The following GTF2IRD1 variants were observed in gnomAD, a reference collection of about 807,000 sequenced individuals.
GTF2IRD1 encodes general transcription factor II-I repeat domain-containing protein 1.
GTF2IRD1 carries 26 observed loss-of-function variants against 113.2 expected under a neutral mutation model. The observed-to-expected ratio is 0.23, with a 90% confidence interval of 0.17 to 0.32. The LOEUF is 0.32. GTF2IRD1 is among the 10% of genes least tolerant of loss of function. The pLI is 1.00. For missense variants in GTF2IRD1, 864 were observed against 1,280.8 expected (o/e 0.67, Z 4.97); for synonymous variants, 484 against 529.1 (o/e 0.91, Z 1.17).
intron 4 of GTF2IRD1, among the ~76,000 whole-genome samples, chr7:74,516,161 G>A (rs1424433309): frequency 6.6e-6 from 1 of 152,186 alleles, no homozygotes; most frequent in East Asian, 1.9e-4. Flanking sequence ...CATCTTTTGA[G>A]ACTGCCTTTC....
intron 16 of GTF2IRD1, among the ~76,000 whole-genome samples, chr7:74,546,218 CTTTT>C (rs1222914895): frequency 2.4e-5 from 3 of 126,510 alleles, no homozygotes; most frequent in African/African-American, 2.9e-5. Flanking sequence ...CCATGTTTTT[CTTTT>C]TTTTTTTTTT....
intron 1 of GTF2IRD1, among the ~76,000 whole-genome samples, chr7:74,459,437 G>A (rs912134537): frequency 4.6e-5 from 7 of 151,828 alleles, no homozygotes; most frequent in African/African-American, 9.7e-5. Flanking sequence ...CAGCCTGGGC[G>A]ACAAGAGTGA....
At chr7:74,582,645 T>C (rs782497059) in intron 22 of GTF2IRD1, among the ~76,000 whole-genome samples, 7 of 152,020 alleles carry the variant, frequency 4.6e-5, no homozygotes, top group African/African-American at 9.7e-5. Context: ...AGAGGTTGAG[T>C]GACTTTCCAT....
intron 4 of GTF2IRD1, 55 bp from the exon 5 acceptor site, chr7:74,518,084 C>T (rs1387716438): frequency 1.5e-6 from 2 of 1,316,546 alleles, no homozygotes; most frequent in African/African-American, 3.0e-5. Flanking sequence ...GCAGCCCCGA[C>T]CCCAGCCTGG....
At chr7:74,460,849 G>A (rs1183790635) in intron 1 of GTF2IRD1, among the ~76,000 whole-genome samples, 3 of 152,168 alleles carry the variant, frequency 2.0e-5, no homozygotes, top group African/African-American at 4.8e-5. Flanking sequence ...ACCCCGCCAC[G>A]GGGGCGGTTG....
rs377153384 is a variant in GTF2IRD1, at chr7:74,538,011, G to A, written c.1410-125G>A. 4.6e-5 allele frequency: 38 copies of A among 817,304 alleles called. 1 individual carries two copies. The highest frequency in any genetic ancestry group is 2.5e-4 in the African/African-American group (15 of 59,692). The allele number at this position is 817,304 out of a possible 1,614,324, so 50.6% of individuals were successfully genotyped here. A position where few individuals can be genotyped will look rare whatever the true frequency, so the allele number is the denominator to read the frequency against. ...GCACCATCCTGGAGGGCCAGGGGCC[G>A]ATGGGGACAGGGATGCCTTCTGCAG... On this transcript the variant is annotated intron_variant, in intron 11 of 26. Coordinates refer to ENST00000424337, the MANE Select transcript of GTF2IRD1 (RefSeq NM_005685.4).
chr7:74,492,280 C>T (rs1033960682), intron 1 of GTF2IRD1, among the ~76,000 whole-genome samples: 1 of 151,886 alleles, frequency 6.6e-6, no homozygotes, highest in Non-Finnish European at 1.5e-5. Flanking sequence ...ACGCCATTCT[C>T]CTCCCTCAGC....
intron 1 of GTF2IRD1, among the ~76,000 whole-genome samples, chr7:74,483,505 C>T (rs1794858353): frequency 6.6e-6 from 1 of 152,108 alleles, no homozygotes; most frequent in African/African-American, 2.4e-5. Flanking sequence ...ATGATTGCAG[C>T]ACTGCACTCC....
intron 1 of GTF2IRD1, among the ~76,000 whole-genome samples, chr7:74,497,426 G>A (rs1467976947): frequency 2.0e-5 from 3 of 152,084 alleles, no homozygotes; most frequent in African/African-American, 7.2e-5. Flanking sequence ...ACCACACCCA[G>A]CTAATTTTTG....
rs1257129515 is a variant in GTF2IRD1, at chr7:74,569,999, C to T, written c.2320+10344C>T. On this transcript the variant is annotated intron_variant, in intron 22 of 26. Transcript: ENST00000424337. The stretch of plus-strand genomic sequence containing the variant: ...GGCGACTGTGCAGGAACAGAGTAGA[C>T]GAGGTGGGGGAACCTTTGGGTAAGA... 2.0e-5 allele frequency among the ~76,000 whole-genome samples: 3 copies of T among 152,056 alleles called. No individual in the cohort carries two copies. The South Asian group carries it at 6.2e-4, about 32-fold the overall frequency.
In GTF2IRD1 at chr7:74,499,567, T is replaced by C. The variant is rs1310678354; in HGVS notation, c.-6-8508T>C. On this transcript the variant is annotated intron_variant, in intron 1 of 26. Transcript: ENST00000424337. ...ATGCACACACCAAGGAATGGATGAA[T>C]GAATGCACACACTAAAGAATAAATG... Among the ~76,000 whole-genome samples, 73 of 151,920 alleles carry C rather than the reference T, an allele frequency of 4.8e-4. 2 individuals carry two copies. Among genetic ancestry groups the C allele is most frequent in the Non-Finnish European group, 8.8e-5 (6 of 68,014 alleles).
At chr7:74,473,088 A>G (rs1794200901) in intron 1 of GTF2IRD1, among the ~76,000 whole-genome samples, 1 of 152,234 alleles carries the variant, frequency 6.6e-6, no homozygotes, top group South Asian at 2.1e-4. Flanking sequence ...AGGAGAACAG[A>G]GCACTGGTTT....
At chr7:74,539,122 G>A (rs746719959) in intron 13 of GTF2IRD1, among the ~76,000 whole-genome samples, 18 of 152,146 alleles carry the variant, frequency 1.2e-4, no homozygotes, top group Non-Finnish European at 2.1e-4. Context: ...AGATTTGGGC[G>A]CTGGAGCCTC....
In GTF2IRD1 at chr7:74,602,516, C is replaced by T. The variant is rs1376991820; in HGVS notation, c.*83C>T. On this transcript the variant is annotated 3_prime_UTR_variant, in exon 27 of 27. Transcript: ENST00000424337. The stretch of plus-strand genomic sequence containing the variant: ...ACAAAATGTATATTCGGATATGTAT[C>T]GATGCCTTTTAGTTTTTCCAATGAT... 11 of 1,154,938 alleles carry T rather than the reference C, an allele frequency of 9.5e-6. No individual in the cohort carries two copies. Among genetic ancestry groups the T allele is most frequent in the Admixed American group, 5.6e-5 (3 of 53,694 alleles). 71.5% of individuals were successfully genotyped at this position (1,154,938 alleles called of 1,614,324 possible).
chr7:74,505,807 C>A (rs1457191748), intron 1 of GTF2IRD1, among the ~76,000 whole-genome samples: 2 of 152,194 alleles, frequency 1.3e-5, no homozygotes, highest in African/African-American at 4.8e-5. Context: ...CATGCAAGAC[C>A]CTCAAGCGGG....
intron 1 of GTF2IRD1, among the ~76,000 whole-genome samples, chr7:74,496,632 G>T (rs1439552004): frequency 6.6e-6 from 1 of 150,632 alleles, no homozygotes; most frequent in Non-Finnish European, 1.5e-5. Context: ...GTGTGGGTGT[G>T]CATGTATGTG....
intron 22 of GTF2IRD1, among the ~76,000 whole-genome samples, chr7:74,560,274 T>C (rs1156462023): frequency 6.6e-6 from 1 of 151,906 alleles, no homozygotes; most frequent in Non-Finnish European, 1.5e-5. Context: ...CTCCTCCTGA[T>C]AAAGGGGCTC....
At chr7:74,517,127 A>G (rs2107745) in intron 4 of GTF2IRD1, among the ~76,000 whole-genome samples, 35,532 of 151,400 alleles carry the variant, frequency 0.23, 4,823 homozygotes, top group African/African-American at 0.37. Flanking sequence ...GGGTTCAAGC[A>G]ATTCTCCTGC....
intron 1 of GTF2IRD1, among the ~76,000 whole-genome samples, chr7:74,473,952 A>G (rs37622): frequency 0.85 from 129,647 of 151,862 alleles, 55,806 homozygotes; most frequent in African/African-American, 0.96. Flanking sequence ...GGCTGGGCGC[A>G]GTGGCTCACA....
Sources: allele counts gnomAD v4.1 joint callset (sites outside exome capture counted in the v4.1 genomes callset), GRCh38; gene constraint gnomAD v4.1.1; transcripts MANE v1.5; gene names NCBI Gene and HGNC (gene_info 2026-07-23, HGNC 2026-07-21).